The following ROBO2 variants were observed in gnomAD, a reference collection of about 807,000 sequenced individuals.
The protein encoded by ROBO2 is roundabout guidance receptor 2.
In ROBO2, 53 loss-of-function variants were observed where a neutral mutation model predicts 160.8. The observed-to-expected ratio is 0.33, with a 90% CI of 0.26 to 0.41. The LOEUF is 0.41. Ranked by LOEUF, ROBO2 falls within the 10% of genes least tolerant of loss-of-function variation. The probability of loss-of-function intolerance (pLI) is 1.00; values close to 1 mark genes in which losing one functional copy is unlikely to be tolerated. For synonymous variants in ROBO2, 664 were observed against 611.7 expected, an observed-to-expected ratio of 1.09 and a Z score of -1.26; for missense variants, 1,577 against 1,722.4, an observed-to-expected ratio of 0.92 and a Z score of 1.49.
At chr3:75,908,294 T>C (rs1559742560) in intron 1 of ROBO2, among the ~76,000 whole-genome samples, 2 of 152,182 alleles carry the variant, frequency 1.3e-5, no homozygotes, top group African/African-American at 2.4e-5. Context: ...TGTATCTACT[T>C]TGTTAATCAA....
At chr3:76,679,263 G>C (rs756067100) in intron 2 of ROBO2, among the ~76,000 whole-genome samples, 8 of 152,000 alleles carry the variant, frequency 5.3e-5, no homozygotes, top group Non-Finnish European at 1.0e-4. Flanking sequence ...AAGAAATAAA[G>C]AAAAACTCAA....
intron 2 of ROBO2, among the ~76,000 whole-genome samples, chr3:75,950,600 A>T (rs559328435): frequency 0.017 from 2,582 of 152,012 alleles, 45 homozygotes; most frequent in Non-Finnish European, 0.027. Flanking sequence ...AGGTCTTTGA[A>T]TAATGACATT....
chr3:76,899,829 T>C (rs893044181), intron 2 of ROBO2, among the ~76,000 whole-genome samples: 8 of 152,142 alleles, frequency 5.3e-5, no homozygotes, highest in Admixed American at 2.0e-4. Context: ...TAGTCATATA[T>C]TATGATGCTC....
intron 6 of ROBO2, among the ~76,000 whole-genome samples, chr3:77,530,936 A>G (rs774436408): frequency 9.9e-5 from 15 of 151,988 alleles, no homozygotes; most frequent in Admixed American, 2.0e-4. Context: ...TTATTTTTCT[A>G]TTGGAAGCCT....
chr3:76,119,969 CCTTCCT>C (rs2070676378), intron 2 of ROBO2, among the ~76,000 whole-genome samples: 1 of 115,816 alleles, frequency 8.6e-6, no homozygotes, highest in African/African-American at 3.1e-5. Flanking sequence ...TTCCTTCCTT[CCTTCCT>C]CTCTCTTTCT....
intron 2 of ROBO2, among the ~76,000 whole-genome samples, chr3:76,939,780 TC>T (rs892983895): frequency 6.6e-6 from 1 of 151,962 alleles, no homozygotes; most frequent in African/African-American, 2.4e-5. Context: ...CAAGATTCTA[TC>T]TAAAAAAATA....
intron 2 of ROBO2, among the ~76,000 whole-genome samples, chr3:76,170,095 T>C (rs886949549): frequency 3.3e-5 from 5 of 152,158 alleles, no homozygotes; most frequent in Non-Finnish European, 7.3e-5. Context: ...TAAGGATTTT[T>C]AAAAAATTTT....
chr3:76,661,622 G>A (rs2091824996), intron 2 of ROBO2, among the ~76,000 whole-genome samples: 1 of 152,152 alleles, frequency 6.6e-6, no homozygotes, highest in Non-Finnish European at 1.5e-5. Context: ...CTCAGAACTG[G>A]CAATTGGTTG....
At chr3:76,238,069 AG>A (rs1340925258) in intron 2 of ROBO2, among the ~76,000 whole-genome samples, 1 of 152,182 alleles carries the variant, frequency 6.6e-6, no homozygotes, top group African/African-American at 2.4e-5. Flanking sequence ...TATGGCAAAA[AG>A]GTCTGAAAGA....
chr3:76,209,060 C>G (rs1432697564), intron 2 of ROBO2, among the ~76,000 whole-genome samples: 1 of 152,080 alleles, frequency 6.6e-6, no homozygotes, highest in Non-Finnish European at 1.5e-5. Flanking sequence ...TGTATATTAC[C>G]AGATGTCTAT....
rs183177189 is a variant in ROBO2, at chr3:77,018,277, G to T, written c.110-79737G>T. Among the ~76,000 whole-genome samples, 3 of 151,972 alleles carry T rather than the reference G, an allele frequency of 2.0e-5. No individual in the cohort carries two copies. In the South Asian group the frequency reaches 6.2e-4, roughly 32 times the overall value. ...TTTTGTATTTTTTGGTAGAGATGGG[G>T]TTTCACTATGTTGGCCAGACTATTC... On this transcript the variant is annotated intron_variant, in intron 2 of 26. Coordinates refer to the ROBO2 transcript ENST00000487694.
chr3:77,461,067 A>G (rs2082187488), intron 2 of ROBO2, among the ~76,000 whole-genome samples: 1 of 152,130 alleles, frequency 6.6e-6, no homozygotes, highest in South Asian at 2.1e-4. Flanking sequence ...CATCTTTCAT[A>G]TGACTATTTT....
At position 77,580,087 on chromosome 3, in the gene ROBO2, A is replaced by G. The variant is rs1417866325; in HGVS notation, c.2469A>G (p.Gly823=). 6.2e-7 allele frequency: 1 copy of G among 1,613,820 alleles called. No individual in the cohort carries two copies. Among genetic ancestry groups the G allele is most frequent in the Admixed American group, 1.7e-5 (1 of 59,976 alleles). ...CAGCTAGTACCAGTGCAGGGGTTGGAGTAAAGAGTGAGCCACAGCCAATAA... is the reference window on the plus strand; with the variant it reads ...CAGCTAGTACCAGTGCAGGGGTTGGGGTAAAGAGTGAGCCACAGCCAATAA... Residue 823 remains glycine, a synonymous_variant, in exon 16 of 26, where the codon GGA becomes GGG. Transcript: ENST00000461745.
chr3:77,247,686 A>G (rs2089887295), intron 2 of ROBO2, among the ~76,000 whole-genome samples: 1 of 152,144 alleles, frequency 6.6e-6, no homozygotes, highest in Non-Finnish European at 1.5e-5. Flanking sequence ...AATTTTGCAA[A>G]TGCACGTGCT....
At chr3:76,013,685 A>T (rs6802215) in intron 2 of ROBO2, among the ~76,000 whole-genome samples, 2 of 149,138 alleles carry the variant, frequency 1.3e-5, no homozygotes. Flanking sequence ...TATAAAGGCA[A>T]TTGGCGGCTG....
At chr3:76,440,274 A>G (rs1292881119) in intron 2 of ROBO2, among the ~76,000 whole-genome samples, 1 of 151,924 alleles carries the variant, frequency 6.6e-6, no homozygotes, top group Non-Finnish European at 1.5e-5. Flanking sequence ...ATTATACATT[A>G]AGTTTTAGGA....
At chr3:76,247,478 C>G (rs975864301) in intron 2 of ROBO2, among the ~76,000 whole-genome samples, 6 of 152,060 alleles carry the variant, frequency 3.9e-5, no homozygotes, top group African/African-American at 1.4e-4. Context: ...AATCCAAATT[C>G]TTTATTACTC....
At chr3:76,129,032 A>G (rs1289146264) in intron 2 of ROBO2, among the ~76,000 whole-genome samples, 4 of 151,962 alleles carry the variant, frequency 2.6e-5, no homozygotes, top group East Asian at 3.9e-4. Flanking sequence ...GAATAAACAT[A>G]GAACAAAGTA....
At chr3:77,324,502 G>A (rs2065150957) in intron 2 of ROBO2, among the ~76,000 whole-genome samples, 1 of 152,002 alleles carries the variant, frequency 6.6e-6, no homozygotes, top group South Asian at 2.1e-4. Flanking sequence ...TTCATAGGCC[G>A]GGCGCCGTGG....
Sources: allele counts gnomAD v4.1 joint callset (sites outside exome capture counted in the v4.1 genomes callset), GRCh38; gene constraint gnomAD v4.1.1; transcripts MANE v1.5; gene names NCBI Gene and HGNC (gene_info 2026-07-23, HGNC 2026-07-21).